The following MAGED1 variants were observed in gnomAD, a reference collection of about 807,000 sequenced individuals.
MAGED1 encodes melanoma-associated antigen D1.
In MAGED1, 3 loss-of-function variants were observed where a neutral mutation model predicts 54.1. That is an observed-to-expected ratio of 0.06 (90% CI 0.03 to 0.14). The LOEUF (loss-of-function observed/expected upper bound fraction) is 0.14. Ranked by LOEUF, MAGED1 falls within the 10% of genes least tolerant of loss-of-function variation. The pLI is 1.00. For synonymous variants in MAGED1, 217 were observed against 227.3 expected (o/e 0.95, Z 0.41); for missense variants, 485 against 623.4 (o/e 0.78, Z 2.36).
chrX:51,815,295 C>T (rs1294296915), intron 1 of MAGED1, among the ~76,000 whole-genome samples: 5 of 110,767 alleles, frequency 4.5e-5, no homozygotes, highest in Non-Finnish European at 7.5e-5. Flanking sequence ...CAGGAGAAGG[C>T]ATTGTTATAG....
rs1012349876 is a variant in MAGED1, at chrX:51,900,747, A to G, written c.1959+451A>G. ...CAGGTTAAAGCGATTCTTGTGCCTC[A>G]GCCTCCCAAGTATCTGGGATTACAG... On this transcript the variant is annotated intron_variant, in intron 11 of 12. Transcript: ENST00000326587. Among the ~76,000 whole-genome samples, 20 of 111,386 alleles carry G rather than the reference A, an allele frequency of 1.8e-4. 1 individual carries two copies. The highest frequency in any genetic ancestry group is 5.2e-4 in the African/African-American group (16 of 30,592).
intron 1 of MAGED1, among the ~76,000 whole-genome samples, chrX:51,826,789 A>G (rs1444171651): frequency 8.9e-6 from 1 of 112,381 alleles, no homozygotes; most frequent in Non-Finnish European, 1.9e-5. Flanking sequence ...GGGAATACAA[A>G]ATGGTATAGC....
chrX:51,836,509 T>C (rs1478481994), intron 1 of MAGED1, among the ~76,000 whole-genome samples: 2 of 110,537 alleles, frequency 1.8e-5, no homozygotes, highest in Non-Finnish European at 3.8e-5. Flanking sequence ...TTCTTTCTAG[T>C]GATTTCAAAT....
At chrX:51,804,306 C>T (rs966179823) in intron 1 of MAGED1, among the ~76,000 whole-genome samples, 1 of 111,608 alleles carries the variant, frequency 9.0e-6, no homozygotes, top group Non-Finnish European at 1.9e-5. Context: ...GGACTCCTTC[C>T]TGTGTGTTAT....
chrX:51,864,189 A>AGTGT (rs141456748), intron 1 of MAGED1, among the ~76,000 whole-genome samples: 159 of 100,442 alleles, frequency 1.6e-3, no homozygotes, highest in South Asian at 5.6e-3. Context: ...AGAGAGAGAG[A>AGTGT]GTGTGTGTGT....
chrX:51,857,510 A>G (rs1927128804), intron 1 of MAGED1: 1 of 112,046 alleles, frequency 8.9e-6, no homozygotes, highest in East Asian at 2.8e-4. Context: ...AAGTAACCTT[A>G]TGCAATGATG....
chrX:51,895,990 T>C (rs1033101784), intron 3 of MAGED1, among the ~76,000 whole-genome samples: 5 of 112,753 alleles, frequency 4.4e-5, no homozygotes, highest in Non-Finnish European at 9.4e-5. Flanking sequence ...CATTTTGTTA[T>C]GTTAGTAACC....
intron 1 of MAGED1, among the ~76,000 whole-genome samples, chrX:51,809,207 C>T (rs1358087782): frequency 8.1e-5 from 9 of 111,337 alleles, no homozygotes; most frequent in Non-Finnish European, 1.7e-4. Context: ...CTCCGCCTGC[C>T]GGGTTCACGC....
chrX:51,810,144 T>A (rs531586497), intron 1 of MAGED1, among the ~76,000 whole-genome samples: 3 of 110,201 alleles, frequency 2.7e-5, no homozygotes, highest in African/African-American at 9.8e-5. Flanking sequence ...GCCCCTTCTG[T>A]TTTCACTTCT....
At chrX:51,886,378 T>G (rs57877100) in intron 1 of MAGED1, among the ~76,000 whole-genome samples, 1,262 of 111,082 alleles carry the variant, frequency 0.011, 16 homozygotes, top group African/African-American at 0.04. Context: ...CCTGATGAGA[T>G]CATTATACAT....
rs782176033 is a variant in MAGED1, at chrX:51,896,507, T to G, written c.852T>G (p.Thr284=). 8.3e-7 allele frequency: 1 copy of G among 1,211,330 alleles called. No individual in the cohort carries two copies. Among genetic ancestry groups the G allele is most frequent in the Admixed American group, 2.2e-5 (1 of 46,045 alleles). The stretch of plus-strand genomic sequence containing the variant: ...GGTCTGCACCAGTTCCAGTGACCAC[T>G]CAGAACCCACCTGGCGCACCCCCCA... ...TWRSAPVPVT[T]QNPPGAPPNV... The change falls in exon 4 of 13, where the codon ACT becomes ACG. Residue 284 remains threonine, a synonymous_variant. Coordinates refer to ENST00000326587, the MANE Select transcript of MAGED1 (RefSeq NM_006986.4).
rs782352592 is a variant in MAGED1, at chrX:51,814,966, T to TA, written c.-37+11872dup. 2.7e-3 allele frequency among the ~76,000 whole-genome samples: 198 copies of TA among 72,035 alleles called. 2 individuals carry two copies. Among genetic ancestry groups the TA allele is most frequent in the Middle Eastern group, 7.0e-3 (1 of 143 alleles). The allele number at this position is 72,035 out of a possible 115,157, so 62.6% of individuals were successfully genotyped here. ...GCCAACAGGGTGAAAACCTCTCTCT[T>TA]AAAAAAAAAAAAAAAAAAAAAAAGA... On this transcript the variant is annotated intron_variant, in intron 1 of 12. Coordinates refer to the MAGED1 transcript ENST00000375772.
chrX:51,901,207 C>A (rs1929006205), intron 11 of MAGED1, among the ~76,000 whole-genome samples: 1 of 111,822 alleles, frequency 8.9e-6, no homozygotes, highest in African/African-American at 3.3e-5. Context: ...AACTTTGTAC[C>A]TTTTAACCGA....
chrX:51,809,216 G>A (rs62595253), intron 1 of MAGED1, among the ~76,000 whole-genome samples: 4,046 of 111,243 alleles, frequency 0.036, 66 homozygotes, highest in Non-Finnish European at 0.05. Flanking sequence ...CCGGGTTCAC[G>A]CCATTCTTCT....
At chrX:51,825,953 C>T (rs1037668512) in intron 1 of MAGED1, among the ~76,000 whole-genome samples, 5 of 112,181 alleles carry the variant, frequency 4.5e-5, no homozygotes, top group Admixed American at 9.4e-5. Context: ...TTTTAAGTAG[C>T]GTCTTCTGGG....
intron 1 of MAGED1, among the ~76,000 whole-genome samples, chrX:51,819,006 A>G (rs1925530400): frequency 8.9e-6 from 1 of 111,941 alleles, no homozygotes; most frequent in African/African-American, 3.2e-5. Context: ...TACTTTCTTT[A>G]CAGACTTCAT....
chrX:51,845,067 A>G (rs782530880), intron 1 of MAGED1, among the ~76,000 whole-genome samples: 2 of 111,301 alleles, frequency 1.8e-5, no homozygotes, highest in East Asian at 2.9e-4. Context: ...CCCCGTCTCT[A>G]CCAAAAATAC....
rs782025188 is a variant in MAGED1, at chrX:51,883,140, T to C, written c.-36-11129T>C. ...CTAGTTCCCTGATAGAGTGGTAAGA[T>C]GAATGGGGAGTGGGAACATTCTAGT... is the stretch of plus-strand genomic sequence containing the variant. On this transcript the variant is annotated intron_variant, in intron 1 of 12. Transcript: ENST00000375772. 5.4e-5 allele frequency among the ~76,000 whole-genome samples: 6 copies of C among 111,230 alleles called. No individual in the cohort carries two copies. In the East Asian group the frequency reaches 1.4e-3, roughly 26 times the overall value.
Position 51,897,645 on chromosome X carries a change from G to A in MAGED1, c.1566+19G>A, listed in dbSNP as rs782031812. 1 of 1,178,262 alleles carries A rather than the reference G, an allele frequency of 8.5e-7. No individual in the cohort carries two copies. Among genetic ancestry groups the A allele is most frequent in the Non-Finnish European group, 1.2e-6 (1 of 865,735 alleles). ...AGAGAAGGTGAGAAGGCAGCCCTGG[G>A]GTACAGGAATAATGGGGAAAGTCTT... On this transcript the variant is annotated intron_variant, in intron 6 of 12. Transcript: ENST00000326587.
Sources: allele counts gnomAD v4.1 joint callset (sites outside exome capture counted in the v4.1 genomes callset), GRCh38; gene constraint gnomAD v4.1.1; transcripts MANE v1.5; gene names NCBI Gene and HGNC (gene_info 2026-07-23, HGNC 2026-07-21).